The following UBQLN1 variants were observed in gnomAD, a reference collection of about 807,000 sequenced individuals.
The protein encoded by UBQLN1 is ubiquilin 1, also known as ubiquilin-1.
In UBQLN1, 13 loss-of-function variants were observed where a neutral mutation model predicts 65.4. That is an observed-to-expected ratio of 0.20 (90% CI 0.13 to 0.32). The LOEUF is 0.32. UBQLN1 is among the 10% of genes least tolerant of loss of function. UBQLN1 has a pLI of 1.00. For missense variants in UBQLN1, 561 were observed against 724.0 expected, an observed-to-expected ratio of 0.77 and a Z score of 2.58; for synonymous variants, 267 against 247.8, an observed-to-expected ratio of 1.08 and a Z score of -0.73.
At chr9:83,667,695 T>TA in intron 7 of UBQLN1, 2 of 985,006 alleles carry the variant, frequency 2.0e-6, no homozygotes, top group Non-Finnish European at 2.4e-6. Context: ...CATGTCATCT[T>TA]AAACGTATCC....
rs533749512 is a variant in UBQLN1 at position 83,667,999 on chromosome 9, T to C, written c.1248+1186A>G. ...TACAAAATTGCTACGCATGTGCTTG[T>C]TAAAGTCAAATTTTAAAAGCAAGAT... On this transcript the variant is annotated intron_variant, in intron 7 of 10. Coordinates refer to ENST00000376395, the MANE Select transcript of UBQLN1 (RefSeq NM_013438.5). 4.1e-5 allele frequency: 40 copies of C among 985,390 alleles called. No homozygotes were observed. The South Asian group carries it at 1.7e-3, about 43-fold the overall frequency. The allele number at this position is 985,390 out of a possible 1,614,324, so 61.0% of individuals were successfully genotyped here.
In UBQLN1 at chr9:83,665,109, G is replaced by A; in HGVS notation, c.1369C>T (p.Pro457Ser). The A allele has an allele frequency of 6.2e-7, 1 of 1,613,574 alleles. No individual in the cohort carries two copies. Among genetic ancestry groups the A allele is most frequent in the Non-Finnish European group, 8.5e-7 (1 of 1,179,862 alleles). The change falls in exon 9 of 11, where the codon CCT becomes TCT. Residue 457 changes from proline to serine, a missense_variant. By Grantham distance (74) the Pro-to-Ser change is moderately conservative. This residue lies in a region of UBQLN1 where 102 missense variants were observed against 150.7 expected (regional missense o/e 0.68). Coordinates refer to ENST00000376395, the MANE Select transcript of UBQLN1 (RefSeq NM_013438.5). The part of the protein sequence containing the change: ...NPDTLSAMSN[P>S]RAMQALLQIQ... ...TGTAACAAGGCCTGCATTGCTCTAG[G>A]GTTTGACATTGCTGATAGTGTATCA...
At chr9:83,695,635 C>A (rs1008306977) in intron 1 of UBQLN1, among the ~76,000 whole-genome samples, 4 of 152,008 alleles carry the variant, frequency 2.6e-5, no homozygotes, top group Admixed American at 2.6e-4. Flanking sequence ...AAAAAAATTA[C>A]CCCCAAGTTT....
At position 83,682,911 on chromosome 9, in the gene UBQLN1, AT is replaced by A. The variant is rs764192720; in HGVS notation, c.448+39del. On this transcript the variant is annotated intron_variant, in intron 3 of 10. Coordinates refer to ENST00000376395, the MANE Select transcript of UBQLN1 (RefSeq NM_013438.5). ...AAACTACCCAGGAAGGGAAAGGAGT[AT>A]TTTTTCCCATCCCTACTGGAATGAC... The A allele has an allele frequency of 3.4e-6, 4 of 1,192,506 alleles. No individual in the cohort carries two copies. In the South Asian group the frequency reaches 4.6e-5, roughly 14 times the overall value. The allele number at this position is 1,192,506 out of a possible 1,614,324, so 73.9% of individuals were successfully genotyped here.
intron 1 of UBQLN1, among the ~76,000 whole-genome samples, chr9:83,705,189 GGGATGGTAAAATGATACAAGCATTTTTCA>G (rs1832378828): frequency 6.6e-6 from 1 of 151,502 alleles, no homozygotes; most frequent in African/African-American, 2.4e-5. Context: ...CTTCATTGGC[GGGATGGTAAAATGATACAAGCATTTTTCA>G]GTATATGTGC....
intron 1 of UBQLN1, among the ~76,000 whole-genome samples, chr9:83,689,984 C>T (rs10125432): frequency 0.7 from 107,058 of 152,122 alleles, 38,542 homozygotes; most frequent in East Asian, 0.88. Flanking sequence ...TGTTAAAGAG[C>T]GTTACAGAGG....
intron 1 of UBQLN1, among the ~76,000 whole-genome samples, chr9:83,696,804 A>G (rs1187942881): frequency 3.9e-5 from 6 of 152,160 alleles, no homozygotes; most frequent in Non-Finnish European, 8.8e-5. Flanking sequence ...CTGCCCCTGA[A>G]GTTCTTACAG....
At chr9:83,670,509 A>C (rs1831712029) in intron 6 of UBQLN1, among the ~76,000 whole-genome samples, 1 of 152,128 alleles carries the variant, frequency 6.6e-6, no homozygotes, top group Non-Finnish European at 1.5e-5. Context: ...TTTGCATGAT[A>C]CTGTAGTCTA....
chr9:83,697,227 G>C (rs921488447), intron 1 of UBQLN1, among the ~76,000 whole-genome samples: 2 of 148,164 alleles, frequency 1.3e-5, no homozygotes, highest in Admixed American at 6.8e-5. Context: ...TTATTAATAT[G>C]AGTCTCAGTA....
intron 1 of UBQLN1, among the ~76,000 whole-genome samples, chr9:83,699,519 G>A (rs1196056154): frequency 6.6e-6 from 1 of 152,026 alleles, no homozygotes; most frequent in Non-Finnish European, 1.5e-5. Flanking sequence ...TAGACAGGCT[G>A]GTCTCGAACT....
chr9:83,692,336 C>A (rs1214673141), intron 1 of UBQLN1, among the ~76,000 whole-genome samples: 1 of 152,168 alleles, frequency 6.6e-6, no homozygotes, highest in Non-Finnish European at 1.5e-5. Flanking sequence ...TTTCAGATTA[C>A]ACTGTCTTCA....
intron 7 of UBQLN1, 87 bp downstream of exon 7, chr9:83,669,098 A>G: frequency 6.7e-7 from 1 of 1,484,288 alleles, no homozygotes; most frequent in Non-Finnish European, 9.0e-7. Flanking sequence ...TATCATACAC[A>G]ACACAAATGT....
At position 83,677,950 on chromosome 9, in the gene UBQLN1, A is replaced by G. The variant is rs201254844; in HGVS notation, c.882T>C (p.Asn294=). ...TATTGCTCACCAAGGAAGCAAATGG[A>G]TTACCACCAAACTGTAATAAAAGAC... ...LSAAQEQFGG[N]PFASLVSNTS... Residue 294 remains asparagine, a synonymous_variant, in exon 6 of 11, where the codon AAT becomes AAC. Transcript: ENST00000376395. 1.1e-4 allele frequency: 180 copies of G among 1,611,532 alleles called. No individual in the cohort carries two copies. Among genetic ancestry groups the G allele is most frequent in the Non-Finnish European group, 1.5e-4 (178 of 1,177,922 alleles).
At chr9:83,665,946 T>C (rs1463992780) in intron 8 of UBQLN1, among the ~76,000 whole-genome samples, 1 of 152,206 alleles carries the variant, frequency 6.6e-6, no homozygotes. Context: ...AAAAGCCTTC[T>C]ACTAATTTGG....
intron 1 of UBQLN1, among the ~76,000 whole-genome samples, chr9:83,694,842 AT>A (rs1832183519): frequency 6.6e-6 from 1 of 152,246 alleles, no homozygotes; most frequent in Non-Finnish European, 1.5e-5. Context: ...TGAAGCAGGT[AT>A]TACACGATAT....
intron 6 of UBQLN1, 65 bp downstream of exon 6, chr9:83,677,662 A>G (rs1831858635): frequency 1.7e-6 from 2 of 1,182,234 alleles, no homozygotes; most frequent in African/African-American, 1.5e-5. Context: ...ATAAGAGTAT[A>G]AACAATGTTT....
chr9:83,707,636 T>C lies in UBQLN1; in HGVS notation c.44A>G (p.Asp15Gly). Residue 15 changes from aspartate (D) to glycine (G), a missense_variant, in exon 1 of 11, where the codon GAT becomes GGT. Physicochemically the swap from Asp to Gly is moderately conservative, Grantham distance 94. Transcript: ENST00000376395. ...AGCACCTTCGGCTCCGGCGGCGCTA[T>C]CCTGGGAGCCCGGAGGACCGCCGCT... is the stretch of plus-strand genomic sequence containing the variant. ...GESGGPPGSQDSAAGAEGAGA... is the reference protein window; with the variant it reads ...GESGGPPGSQGSAAGAEGAGA... 6.3e-7 allele frequency: 1 copy of C among 1,575,062 alleles called. No individual in the cohort carries two copies. The highest frequency in any genetic ancestry group is 8.6e-7 in the Non-Finnish European group (1 of 1,161,132).
At chr9:83,694,520 C>A (rs1832177552) in intron 1 of UBQLN1, among the ~76,000 whole-genome samples, 1 of 152,194 alleles carries the variant, frequency 6.6e-6, no homozygotes, top group African/African-American at 2.4e-5. Context: ...GAAACTACTA[C>A]ACTGAATATG....
intron 6 of UBQLN1, among the ~76,000 whole-genome samples, chr9:83,670,808 C>T (rs985684842): frequency 2.0e-5 from 3 of 152,156 alleles, no homozygotes; most frequent in Non-Finnish European, 4.4e-5. Flanking sequence ...ATTCTGAATT[C>T]GTTGTCATTT....
Sources: allele counts gnomAD v4.1 joint callset (sites outside exome capture counted in the v4.1 genomes callset), GRCh38; gene constraint gnomAD v4.1.1; regional missense constraint gnomAD v4.1.1; transcripts MANE v1.5; gene names NCBI Gene and HGNC (gene_info 2026-07-23, HGNC 2026-07-21).